Variants in ROBO1 observed in about 807,000 individuals in gnomAD.
ROBO1 encodes roundabout guidance receptor 1, also known as roundabout homolog 1.
In ROBO1, 149 loss-of-function variants were observed where a neutral mutation model predicts 195.9. The ratio of observed to expected loss-of-function variants is 0.76; its 90% CI spans 0.67 to 0.87. ROBO1 has a LOEUF of 0.87. Among genes scored for constraint, ROBO1 ranks in the 40% least tolerant of loss-of-function variants. ROBO1 has a pLI of 0.00. For synonymous variants in ROBO1, 816 were observed against 733.2 expected, an observed-to-expected ratio of 1.11 and a Z score of -1.82; for missense variants, 1,933 against 2,068.3, an observed-to-expected ratio of 0.93 and a Z score of 1.27.
chr3:79,045,240 AT>A (rs2078568419), intron 3 of ROBO1, among the ~76,000 whole-genome samples: 1 of 152,100 alleles, frequency 6.6e-6, no homozygotes, highest in Admixed American at 6.6e-5. Flanking sequence ...AATGAAACTA[AT>A]TTTTAGATTC....
In ROBO1 at chr3:79,687,703, T is replaced by C. The variant is rs1947168222; in HGVS notation, c.-51+80049A>G. Reference sequence around the variant, plus strand: ...TCACACCAGGTAGAATGGTGATCATTAAAAAGTCAGGAAACAACAGGTGCT... The same window carrying C: ...TCACACCAGGTAGAATGGTGATCATCAAAAAGTCAGGAAACAACAGGTGCT... On this transcript the variant is annotated intron_variant, in intron 1 of 30. Coordinates refer to ENST00000464233, the MANE Select transcript of ROBO1 (RefSeq NM_002941.4). Among the ~76,000 whole-genome samples, 6 of 152,188 alleles carry C rather than the reference T, an allele frequency of 3.9e-5. No homozygotes were observed. In the South Asian group the frequency reaches 1.2e-3, roughly 32 times the overall value.
chr3:78,723,062 G>C (rs1276050521), intron 5 of ROBO1, among the ~76,000 whole-genome samples: 1 of 151,622 alleles, frequency 6.6e-6, no homozygotes, highest in East Asian at 1.9e-4. Flanking sequence ...TACAATTATA[G>C]GTCACATAAT....
rs528207689 is a variant in ROBO1, at chr3:78,681,939, G to A, written c.1342+3807C>T. On this transcript the variant is annotated intron_variant, in intron 10 of 30. Transcript: ENST00000464233. ...ATGGCAAGCACAATGATTAGGGCAC[G>A]TGAGCAACACAGTATTCAGAGCTGA... Among the ~76,000 whole-genome samples the A allele has an allele frequency of 4.6e-5, 7 of 152,196 alleles. No homozygotes were observed. In the South Asian group the frequency reaches 1.4e-3, roughly 31 times the overall value.
chr3:79,455,855 G>C (rs78893674), intron 2 of ROBO1, among the ~76,000 whole-genome samples: 78 of 152,190 alleles, frequency 5.1e-4, no homozygotes, highest in African/African-American at 1.6e-3. Context: ...AATGATTACC[G>C]AATACGAAAC....
chr3:78,680,542 C>G (rs1425227164), intron 10 of ROBO1, among the ~76,000 whole-genome samples: 2 of 151,952 alleles, frequency 1.3e-5, no homozygotes, highest in Non-Finnish European at 2.9e-5. Context: ...AGACACTTCT[C>G]AAAAGAAGAC....
intron 8 of ROBO1, among the ~76,000 whole-genome samples, chr3:78,690,381 A>C (rs2081145719): frequency 6.6e-6 from 1 of 152,046 alleles, no homozygotes; most frequent in Non-Finnish European, 1.5e-5. Flanking sequence ...ATGTCCTCTA[A>C]CTTATAGGGA....
chr3:79,032,456 T>C (rs1400968858), intron 3 of ROBO1, among the ~76,000 whole-genome samples: 2 of 152,020 alleles, frequency 1.3e-5, no homozygotes, highest in Non-Finnish European at 2.9e-5. Context: ...GGTATACTAA[T>C]GGATGCTTAA....
At chr3:79,214,399 T>C (rs1228753224) in intron 2 of ROBO1, among the ~76,000 whole-genome samples, 1 of 152,174 alleles carries the variant, frequency 6.6e-6, no homozygotes, top group African/African-American at 2.4e-5. Flanking sequence ...AAAGGTGGAA[T>C]GTGGACTCAT....
intron 3 of ROBO1, among the ~76,000 whole-genome samples, chr3:79,072,285 G>T (rs1401303907): frequency 2.0e-5 from 3 of 151,744 alleles, no homozygotes; most frequent in African/African-American, 7.3e-5. Context: ...CATTGATCAT[G>T]GATGAATTCA....
chr3:79,321,155 C>T (rs529396613), intron 2 of ROBO1, among the ~76,000 whole-genome samples: 1 of 151,938 alleles, frequency 6.6e-6, no homozygotes, highest in East Asian at 1.9e-4. Flanking sequence ...TTGTAAAGTT[C>T]ATTTAAGTGG....
intron 3 of ROBO1, among the ~76,000 whole-genome samples, chr3:79,071,826 G>A (rs1322028787): frequency 6.6e-6 from 1 of 150,812 alleles, no homozygotes; most frequent in African/African-American, 2.4e-5. Flanking sequence ...TTTTTTTTTG[G>A]TAAATTTTGT....
intron 2 of ROBO1, among the ~76,000 whole-genome samples, chr3:79,436,440 C>T (rs1324077692): frequency 3.3e-5 from 5 of 151,806 alleles, no homozygotes; most frequent in Non-Finnish European, 7.4e-5. Context: ...CTTATTTCAC[C>T]GCAGATAGTT....
chr3:79,050,817 A>G (rs972312842), intron 3 of ROBO1, among the ~76,000 whole-genome samples: 3 of 152,170 alleles, frequency 2.0e-5, no homozygotes, highest in African/African-American at 7.2e-5. Flanking sequence ...CTACTGGGTA[A>G]ATAACAAAAT....
intron 1 of ROBO1, among the ~76,000 whole-genome samples, chr3:79,742,829 G>A (rs1292097052): frequency 6.6e-6 from 1 of 152,158 alleles, no homozygotes; most frequent in Non-Finnish European, 1.5e-5. Flanking sequence ...AAGCAAAGAG[G>A]CTTGGTGAAA....
intron 3 of ROBO1, among the ~76,000 whole-genome samples, chr3:78,972,589 T>A (rs1342936888): frequency 6.6e-6 from 1 of 152,194 alleles, no homozygotes; most frequent in Non-Finnish European, 1.5e-5. Context: ...TCATGATTCG[T>A]TTTCTTTCAT....
chr3:79,756,473 C>T (rs773132816), intron 1 of ROBO1, among the ~76,000 whole-genome samples: 53 of 148,554 alleles, frequency 3.6e-4, no homozygotes, highest in Admixed American at 8.8e-4. Context: ...TGCTTGAACC[C>T]AGGGTGGCAA....
In ROBO1 at chr3:78,940,711, A is replaced by G. The variant is rs142338204; in HGVS notation, c.173-1784T>C. Among the ~76,000 whole-genome samples, 298 of 152,348 alleles carry G rather than the reference A, an allele frequency of 2.0e-3. 1 individual carries two copies. Among genetic ancestry groups the G allele is most frequent in the Middle Eastern group, 0.017 (5 of 294 alleles). On this transcript the variant is annotated intron_variant, in intron 3 of 30. Transcript: ENST00000464233. ...TAGCACTATACAGCTACCCTTGGTA[A>G]GAATGATCAGAATTACAATATATAA...
At chr3:79,321,136 C>T (rs1462464355) in intron 2 of ROBO1, among the ~76,000 whole-genome samples, 1 of 151,984 alleles carries the variant, frequency 6.6e-6, no homozygotes, top group Non-Finnish European at 1.5e-5. Flanking sequence ...GCTTCAGTTG[C>T]AGGTCAGTTT....
rs1707850997 is a variant in ROBO1 at position 78,668,251 on chromosome 3, G to A, written c.1682C>T (p.Pro561Leu). Reference sequence around the variant, plus strand: ...CACTTCAGGTTTTGATGGGGCACTAGGGATTAAATTTGGGTCAGTAGGTCT... The same window carrying A: ...CACTTCAGGTTTTGATGGGGCACTAAGGATTAAATTTGGGTCAGTAGGTCT... ...PPRPTDPNLI[P>L]SAPSKPEVTD... The change falls in exon 13 of 31, where the codon CCT (proline) becomes CTT (leucine). Residue 561 changes from proline (P) to leucine (L), a missense_variant. Physicochemically the swap from Pro to Leu is moderately conservative, Grantham distance 98. This residue lies in a region of ROBO1 where 1,737 missense variants were observed against 1,882.5 expected (regional missense o/e 0.92). Transcript: ENST00000464233. 1 of 1,613,864 alleles carries A rather than the reference G, an allele frequency of 6.2e-7. No individual in the cohort carries two copies. The highest frequency in any genetic ancestry group is 8.5e-7 in the Non-Finnish European group (1 of 1,179,796).
Sources: gnomAD v4.1 joint callset for allele counts (sites outside exome capture counted in the v4.1 genomes callset) on GRCh38, gnomAD v4.1.1 for gene constraint, gnomAD v4.1.1 regional missense constraint, MANE v1.5 for transcripts, NCBI Gene and HGNC (gene_info 2026-07-23, HGNC 2026-07-21) for gene names.